PABPC1L: variants seen among roughly 807,000 people sequenced by gnomAD.
PABPC1L encodes poly(A) binding protein cytoplasmic 1 like.
In PABPC1L, 31 loss-of-function variants were observed where a neutral mutation model predicts 66.6. The observed-to-expected ratio is 0.47, with a 90% CI of 0.35 to 0.63. The LOEUF is 0.63. PABPC1L is among the 20% of genes least tolerant of loss of function. The pLI is 0.00. For missense variants in PABPC1L, 722 were observed against 848.8 expected (o/e 0.85, Z 1.86); for synonymous variants, 348 against 335.1 (o/e 1.04, Z -0.42).
At chr20:44,917,189 G>A (rs1000261530) in intron 3 of PABPC1L, among the ~76,000 whole-genome samples, 3 of 152,060 alleles carry the variant, frequency 2.0e-5, no homozygotes, top group African/African-American at 7.2e-5. Context: ...TCAGTATGGG[G>A]TGTATGTGTG....
At chr20:44,934,050 CTTG>C (rs1037381282) in intron 10 of PABPC1L, among the ~76,000 whole-genome samples, 9 of 152,196 alleles carry the variant, frequency 5.9e-5, no homozygotes, top group African/African-American at 1.7e-4. Context: ...CCATGCCCGG[CTTG>C]TTGTTGAGGA....
intron 1 of PABPC1L, among the ~76,000 whole-genome samples, chr20:44,910,869 T>C (rs2066699648): frequency 6.6e-6 from 1 of 152,184 alleles, no homozygotes; most frequent in Non-Finnish European, 1.5e-5. Context: ...CTGCACGGGC[T>C]CTGAAAAACC....
At chr20:44,912,923 G>C in intron 2 of PABPC1L, 70 bp downstream of exon 2, 1 of 1,409,476 alleles carries the variant, frequency 7.1e-7, no homozygotes, top group Non-Finnish European at 9.8e-7. Context: ...GGGGTGACAA[G>C]CAACACCTCA....
chr20:44,917,413 G>A (rs1275503275), intron 3 of PABPC1L, among the ~76,000 whole-genome samples: 1 of 149,284 alleles, frequency 6.7e-6, no homozygotes, highest in Non-Finnish European at 1.5e-5. Flanking sequence ...GCCCAGGCTG[G>A]TCTTGAACTC....
intron 6 of PABPC1L, among the ~76,000 whole-genome samples, chr20:44,922,668 GC>G (rs2145565385): frequency 6.6e-6 from 1 of 152,276 alleles, no homozygotes; most frequent in East Asian, 1.9e-4. Flanking sequence ...ACCACGCCTG[GC>G]CCCCTCTAAG....
At chr20:44,938,564 G>A in intron 13 of PABPC1L, 110 bp from the exon 14 acceptor site, 1 of 1,287,528 alleles carries the variant, frequency 7.8e-7, no homozygotes, top group Non-Finnish European at 1.1e-6. Flanking sequence ...GAAACCCTGT[G>A]GATGGAGGAG....
intron 8 of PABPC1L, among the ~76,000 whole-genome samples, chr20:44,931,087 CCCTT>C (rs1378700010): frequency 1.3e-4 from 5 of 38,428 alleles, no homozygotes; most frequent in African/African-American, 3.6e-4. Flanking sequence ...CTCCCTCCCT[CCCTT>C]CCTTCCTTCC....
Position 44,939,247 on chromosome 20 carries a change from T to A in PABPC1L, c.*128T>A, listed in dbSNP as rs1173635888. Reference sequence around the variant, plus strand: ...TGTATCTATACTTGGGCTCTGTATGTGAATGAAGGTTGGTCACCCATCCAG... The same window carrying A: ...TGTATCTATACTTGGGCTCTGTATGAGAATGAAGGTTGGTCACCCATCCAG... On this transcript the variant is annotated 3_prime_UTR_variant, in exon 15 of 15. Coordinates refer to ENST00000217073, the MANE Select transcript of PABPC1L (RefSeq NM_001372179.1). The A allele has an allele frequency of 1.4e-6, 1 of 717,280 alleles. No individual in the cohort carries two copies. Among genetic ancestry groups the A allele is most frequent in the South Asian group, 1.5e-5 (1 of 67,538 alleles). The allele number at this position is 717,280 out of a possible 1,614,324, so 44.4% of individuals were successfully genotyped here.
chr20:44,911,835 G>A (rs2066707593), intron 1 of PABPC1L, among the ~76,000 whole-genome samples: 1 of 152,170 alleles, frequency 6.6e-6, no homozygotes, highest in Non-Finnish European at 1.5e-5. Context: ...ATAAGACTAG[G>A]TGGAGAATCC....
chr20:44,929,273 A>G (rs1452613780), intron 7 of PABPC1L, among the ~76,000 whole-genome samples: 1 of 152,122 alleles, frequency 6.6e-6, no homozygotes, highest in Non-Finnish European at 1.5e-5. Context: ...TTAAAAAACA[A>G]ACAAATAAAC....
chr20:44,935,095 G>T (rs113080326), intron 10 of PABPC1L, among the ~76,000 whole-genome samples: 1 of 151,316 alleles, frequency 6.6e-6, no homozygotes, highest in African/African-American at 2.4e-5. Flanking sequence ...GAAAGAAAAT[G>T]TTTGTACAAA....
chr20:44,921,560 G>GA (rs1568645254), intron 5 of PABPC1L, 34 bp from the exon 6 acceptor site: 1 of 1,611,330 alleles, frequency 6.2e-7, no homozygotes. Flanking sequence ...ACATCTGAGT[G>GA]GTTACCAAGC....
intron 1 of PABPC1L, among the ~76,000 whole-genome samples, chr20:44,911,110 C>T (rs961823193): frequency 6.6e-6 from 1 of 151,518 alleles, no homozygotes; most frequent in Non-Finnish European, 1.5e-5. Flanking sequence ...CTTGTTACCT[C>T]GTAAACGCTC....
At chr20:44,912,183 T>C (rs555699753) in intron 1 of PABPC1L, among the ~76,000 whole-genome samples, 1 of 152,272 alleles carries the variant, frequency 6.6e-6, no homozygotes, top group East Asian at 1.9e-4. Flanking sequence ...ATGTCCACTT[T>C]CCCCAGAGCC....
intron 6 of PABPC1L, 122 bp from the exon 7 acceptor site, chr20:44,924,039 G>T: frequency 1.3e-6 from 1 of 760,066 alleles, no homozygotes. Flanking sequence ...GAGACGGGGA[G>T]CAGGAGGCTG....
intron 12 of PABPC1L, chr20:44,937,301 T>C: frequency 7.1e-6 from 2 of 281,360 alleles, no homozygotes; most frequent in South Asian, 6.6e-5. Context: ...GGTTCTTTAC[T>C]GCATGGCCCC....
chr20:44,936,484 T>C (rs1477587638), intron 11 of PABPC1L, among the ~76,000 whole-genome samples, 153 bp from the exon 12 acceptor site: 1 of 152,178 alleles, frequency 6.6e-6, no homozygotes. Context: ...TTTGCCCTTG[T>C]TGGGGACTCT....
intron 7 of PABPC1L, among the ~76,000 whole-genome samples, chr20:44,924,582 C>T (rs1601114857): frequency 6.6e-6 from 1 of 152,220 alleles, no homozygotes; most frequent in Non-Finnish European, 1.5e-5. Flanking sequence ...TGTTGTCTGG[C>T]CTCTGCCAGT....
chr20:44,916,872 G>C lies in PABPC1L; in HGVS notation c.503+1G>C. 1 of 1,613,970 alleles carries C rather than the reference G, an allele frequency of 6.2e-7. No individual in the cohort carries two copies. The highest frequency in any genetic ancestry group is 8.5e-7 in the Non-Finnish European group (1 of 1,179,904). On this transcript the variant is annotated splice_donor_variant, in intron 3 of 14. Transcript: ENST00000217073. LOFTEE classifies it high-confidence loss of function. ...GGATGCTGCTGAATGACCGCAAAGT[G>C]TGAGTGGCTGGGCCCGAGGGAGGGG...
Sources: allele counts gnomAD v4.1 joint callset (sites outside exome capture counted in the v4.1 genomes callset), GRCh38; gene constraint gnomAD v4.1.1; transcripts MANE v1.5; gene names NCBI Gene and HGNC (gene_info 2026-07-23, HGNC 2026-07-21).